The following RBFOX3 variants were observed in gnomAD, a reference collection of about 807,000 sequenced individuals.
RBFOX3 encodes RNA binding fox-1 homolog 3.
A neutral mutation model predicts 48.7 loss-of-function variants in RBFOX3; 17 were observed. The ratio of observed to expected loss-of-function variants is 0.35; its 90% CI spans 0.24 to 0.52. The LOEUF (loss-of-function observed/expected upper bound fraction) is 0.52, where lower values mean the gene tolerates loss of function less well. RBFOX3 is among the 20% of genes least tolerant of loss of function. The probability of loss-of-function intolerance (pLI) is 0.94; values close to 1 mark genes in which losing one functional copy is unlikely to be tolerated. For missense variants in RBFOX3, 382 were observed against 497.5 expected, an observed-to-expected ratio of 0.77 and a Z score of 2.21; for synonymous variants, 212 against 209.5, an observed-to-expected ratio of 1.01 and a Z score of -0.10.
intron 2 of RBFOX3, among the ~76,000 whole-genome samples, chr17:79,465,274 T>G (rs1316827775): frequency 6.6e-6 from 1 of 152,210 alleles, no homozygotes; most frequent in Non-Finnish European, 1.5e-5. Context: ...CCAGAGCTGC[T>G]CGTCAGAGAA....
At chr17:79,614,793 G>A (rs1286992704), upstream of RBFOX3, among the ~76,000 whole-genome samples, 1 of 151,952 alleles carries the variant, frequency 6.6e-6, no homozygotes, top group Non-Finnish European at 1.5e-5. Context: ...GTAAGGGAAT[G>A]CCCCAGAAGG....
chr17:79,227,533 G>A (rs545800608), intron 4 of RBFOX3, among the ~76,000 whole-genome samples: 15 of 152,366 alleles, frequency 9.8e-5, no homozygotes, highest in African/African-American at 2.6e-4. Flanking sequence ...TGATGCCAGT[G>A]GGGGACTCTG....
rs538842855 is a variant in RBFOX3 at position 79,226,270 on chromosome 17, A to T, written c.-34+9496T>A. On this transcript the variant is annotated intron_variant, in intron 4 of 14. Transcript: ENST00000693108. ...AGGACTTTGGCCTTTCTCCAAGAGA[A>T]GTGGGAGTCACAGGAGGATTTGGAG... Among the ~76,000 whole-genome samples the T allele has an allele frequency of 1.4e-4, 21 of 152,266 alleles. No homozygotes were observed. The South Asian group carries it at 4.4e-3, about 32-fold the overall frequency.
At chr17:79,257,878 G>A (rs906824992) in intron 3 of RBFOX3, among the ~76,000 whole-genome samples, 3 of 152,030 alleles carry the variant, frequency 2.0e-5, no homozygotes, top group Non-Finnish European at 4.4e-5. Context: ...ACCATGCCTG[G>A]TCTGTCCTTT....
At chr17:79,522,929 CAAAAAAAAAAAAA>C (rs34245309) in intron 1 of RBFOX3, among the ~76,000 whole-genome samples, 1 of 31,966 alleles carries the variant, frequency 3.1e-5, no homozygotes, top group African/African-American at 7.2e-5. Flanking sequence ...GACTCCGTCT[CAAAAAAAAAAAAA>C]AAAAAAAAAA....
At chr17:79,584,540 A>ATG (rs1375043284) in intron 1 of RBFOX3, among the ~76,000 whole-genome samples, 12 of 143,186 alleles carry the variant, frequency 8.4e-5, no homozygotes, top group African/African-American at 3.3e-4. Context: ...ATATATACAT[A>ATG]TGTGTGTGTA....
At chr17:79,371,997 C>T (rs377654165) in intron 2 of RBFOX3, among the ~76,000 whole-genome samples, 1 of 152,126 alleles carries the variant, frequency 6.6e-6, no homozygotes, top group African/African-American at 2.4e-5. Flanking sequence ...CGGGGAGACC[C>T]TCCCCGCAGA....
chr17:79,494,592 G>T (rs1431347739), intron 1 of RBFOX3, among the ~76,000 whole-genome samples: 1 of 152,224 alleles, frequency 6.6e-6, no homozygotes, highest in African/African-American at 2.4e-5. Context: ...AGTGGGCTGG[G>T]GAATGAGCAG....
chr17:79,530,915 G>A (rs1756707835), intron 1 of RBFOX3, among the ~76,000 whole-genome samples: 1 of 152,230 alleles, frequency 6.6e-6, no homozygotes, highest in Admixed American at 6.5e-5. Context: ...TGGCGGGTTA[G>A]ACGGTCTCGG....
rs2064488921 is a variant in RBFOX3, at chr17:79,254,693, C to T, written c.-73-18888G>A. Among the ~76,000 whole-genome samples, 1 of 152,146 alleles carries T rather than the reference C, an allele frequency of 6.6e-6. No individual in the cohort carries two copies. Among genetic ancestry groups the T allele is most frequent in the South Asian group, 2.1e-4 (1 of 4,828 alleles). On this transcript the variant is annotated intron_variant, in intron 3 of 14. Transcript: ENST00000693108. The surrounding 1 kb of genome is among the most constrained non-coding windows in gnomAD (Gnocchi z 4.8). ...CGATTCGTATACTTGCCCCTCCATGCAGTGTCAGTCCAGGCTGTGAAAAAC... is the reference window on the plus strand; with the variant it reads ...CGATTCGTATACTTGCCCCTCCATGTAGTGTCAGTCCAGGCTGTGAAAAAC...
chr17:79,536,458 C>T (rs565864637), intron 1 of RBFOX3, among the ~76,000 whole-genome samples: 1 of 152,234 alleles, frequency 6.6e-6, no homozygotes, highest in Non-Finnish European at 1.5e-5. Flanking sequence ...AAATACAGCA[C>T]CATGGAAGCC....
At chr17:79,117,917 C>T (rs1381726719) in intron 4 of RBFOX3, among the ~76,000 whole-genome samples, 1 of 152,230 alleles carries the variant, frequency 6.6e-6, no homozygotes, top group Non-Finnish European at 1.5e-5. Context: ...GACCTGGCTG[C>T]ACCAGGGAGG....
At chr17:79,517,721 C>T (rs1024068355) in intron 1 of RBFOX3, among the ~76,000 whole-genome samples, 9 of 152,252 alleles carry the variant, frequency 5.9e-5, no homozygotes, top group African/African-American at 1.4e-4. Flanking sequence ...AAAAACCCCA[C>T]GGTCATTAAA....
In RBFOX3 at chr17:79,332,167, C is replaced by G. The variant is rs1038536787; in HGVS notation, c.-174-24343G>C. 1.3e-5 allele frequency among the ~76,000 whole-genome samples: 2 copies of G among 152,220 alleles called. 1 individual carries two copies. The highest frequency in any genetic ancestry group is 2.9e-5 in the Non-Finnish European group (2 of 68,038). ...CTGCCTGCCTTCTTTCCCCACACCC[C>G]TTGCCATTTCCTGCTCCTTGTCTGC... is the stretch of plus-strand genomic sequence containing the variant. On this transcript the variant is annotated intron_variant, in intron 2 of 14. Transcript: ENST00000693108.
intron 2 of RBFOX3, among the ~76,000 whole-genome samples, chr17:79,320,293 C>T (rs2078317086): frequency 6.6e-6 from 1 of 152,190 alleles, no homozygotes; most frequent in Admixed American, 6.5e-5. Flanking sequence ...CCAGAGGGAC[C>T]TCCCAGGACC....
Position 79,122,656 on chromosome 17 carries a change from A to C in RBFOX3, c.-33-6908T>G, listed in dbSNP as rs201762121. Among the ~76,000 whole-genome samples, 4 of 152,228 alleles carry C rather than the reference A, an allele frequency of 2.6e-5. No individual in the cohort carries two copies. The East Asian group carries it at 7.7e-4, about 29-fold the overall frequency. On this transcript the variant is annotated intron_variant, in intron 4 of 14. Transcript: ENST00000693108. The stretch of plus-strand genomic sequence containing the variant: ...ACGGAGAACAGTTTGGAGGTTTCTC[A>C]AAAAACTGAAAACAGCTGCCGTAGG...
intron 2 of RBFOX3, among the ~76,000 whole-genome samples, chr17:79,308,070 G>A (rs1187248100): frequency 1.3e-5 from 2 of 152,220 alleles, no homozygotes; most frequent in East Asian, 3.9e-4. Flanking sequence ...GGATATTGTA[G>A]GTGAGACTCA....
At chr17:79,476,375 T>C (rs1427359712) in intron 2 of RBFOX3, among the ~76,000 whole-genome samples, 1 of 152,242 alleles carries the variant, frequency 6.6e-6, no homozygotes, top group Admixed American at 6.5e-5. Flanking sequence ...TTTTCTATTT[T>C]TTTAAAAAAT....
chr17:79,435,760 G>C (rs1242680238), intron 2 of RBFOX3, among the ~76,000 whole-genome samples: 2 of 152,164 alleles, frequency 1.3e-5, no homozygotes, highest in Admixed American at 1.3e-4. Flanking sequence ...CTCCATGCAG[G>C]TGGTTCTTTA....
Sources: gnomAD v4.1 joint callset for allele counts (sites outside exome capture counted in the v4.1 genomes callset) on GRCh38, gnomAD v4.1.1 for gene constraint, Gnocchi (gnomAD v3.1) non-coding constraint, MANE v1.5 for transcripts, NCBI Gene and HGNC (gene_info 2026-07-23, HGNC 2026-07-21) for gene names.